COL16A1: variants seen among roughly 807,000 people sequenced by gnomAD.
The protein encoded by COL16A1 is collagen alpha-1(XVI) chain.
Under a neutral mutation model 266.3 loss-of-function variants are expected in COL16A1, and 189 were observed. That is an observed-to-expected ratio of 0.71 (90% CI 0.63 to 0.80). COL16A1 has a LOEUF of 0.80. Ranked by LOEUF, COL16A1 falls within the 30% of genes least tolerant of loss-of-function variation. The pLI is 0.00. For missense variants in COL16A1, 1,928 were observed against 2,122.4 expected (o/e 0.91, Z 1.80); for synonymous variants, 740 against 782.3 (o/e 0.95, Z 0.90).
At chr1:31,684,400 CG>C in intron 31 of COL16A1, 122 bp downstream of exon 31, 1 of 1,503,312 alleles carries the variant, frequency 6.7e-7, no homozygotes, top group Non-Finnish European at 8.9e-7. Flanking sequence ...GAGGAGCCTC[CG>C]CTCAGTGACT....
chr1:31,687,242 T>C (rs1644023735), intron 26 of COL16A1, among the ~76,000 whole-genome samples: 1 of 151,108 alleles, frequency 6.6e-6, no homozygotes, highest in Non-Finnish European at 1.5e-5. Context: ...ATTAGCTGAG[T>C]GTGGTGGTGC....
At position 31,656,857 on chromosome 1, in the gene COL16A1, C is replaced by T. The variant is rs1641208756; in HGVS notation, c.4056+176G>A. 8.8e-6 allele frequency: 6 copies of T among 678,646 alleles called. No homozygotes were observed. The highest frequency in any genetic ancestry group is 1.5e-5 in the Non-Finnish European group (6 of 411,358). The allele number at this position is 678,646 out of a possible 1,614,324, so 42.0% of individuals were successfully genotyped here. On this transcript the variant is annotated intron_variant, in intron 65 of 70. Transcript: ENST00000373672. The surrounding 1 kb of genome is among the most constrained non-coding windows in gnomAD (Gnocchi z 4.2). ...AAAAAAAAAGGTAAAACAAATCTCA[C>T]TCCCATCCTTGGCCTCAAGTCTCTA... is the stretch of plus-strand genomic sequence containing the variant.
In COL16A1 at chr1:31,688,442, C is replaced by G. The variant is rs1444220081; in HGVS notation, c.1803+25G>C. On this transcript the variant is annotated intron_variant, in intron 26 of 70. Coordinates refer to ENST00000373672, the MANE Select transcript of COL16A1 (RefSeq NM_001856.4). The surrounding 1 kb of genome is among the most constrained non-coding windows in gnomAD (Gnocchi z 4.9). ...CCTGCCTGCCAAGAAACTCCAGTGTCCCTGACATCTAACCCAGGTCTCACC... is the reference window on the plus strand; with the variant it reads ...CCTGCCTGCCAAGAAACTCCAGTGTGCCTGACATCTAACCCAGGTCTCACC... 1 of 1,614,114 alleles carries G rather than the reference C, an allele frequency of 6.2e-7. No individual in the cohort carries two copies. Among genetic ancestry groups the G allele is most frequent in the Admixed American group, 1.7e-5 (1 of 60,014 alleles).
intron 69 of COL16A1, 80 bp downstream of exon 69, chr1:31,653,787 T>G (rs1460159974): frequency 1.1e-5 from 18 of 1,572,278 alleles, no homozygotes; most frequent in Non-Finnish European, 1.5e-5. Flanking sequence ...ACATCCCATA[T>G]TCACAACAGA....
chr1:31,699,250 C>T (rs889999904), intron 4 of COL16A1, among the ~76,000 whole-genome samples: 4 of 152,148 alleles, frequency 2.6e-5, no homozygotes, highest in Admixed American at 6.5e-5. Flanking sequence ...ATGACTATTT[C>T]GCTATCGCAT....
At chr1:31,694,265 T>G in intron 11 of COL16A1, 95 bp from the exon 12 acceptor site, 1 of 1,027,034 alleles carries the variant, frequency 9.7e-7, no homozygotes, top group Non-Finnish European at 1.4e-6. Flanking sequence ...TCACACAGCA[T>G]GGTAGCAGGA....
At chr1:31,654,512 C>G (rs1442499460) in intron 68 of COL16A1, among the ~76,000 whole-genome samples, 1 of 152,222 alleles carries the variant, frequency 6.6e-6, no homozygotes, top group East Asian at 1.9e-4. Context: ...GAGCTCACTT[C>G]AGGCAGACTC....
At position 31,656,580 on chromosome 1, in the gene COL16A1, G is replaced by C. The variant is rs148255401; in HGVS notation, c.4057-136C>G. On this transcript the variant is annotated intron_variant, in intron 65 of 70. Transcript: ENST00000373672. This position sits in a 1 kb window ranked among gnomAD's most constrained non-coding sequence, Gnocchi z 4.2. Reference sequence around the variant, plus strand: ...TCCAGCCCAGCTCTGTGTGAGAAAGGAGCGCAGCCTCCCTGCCCAGCTGGA... The same window carrying C: ...TCCAGCCCAGCTCTGTGTGAGAAAGCAGCGCAGCCTCCCTGCCCAGCTGGA... The C allele has an allele frequency of 1.5e-6, 2 of 1,363,720 alleles. No homozygotes were observed. Among genetic ancestry groups the C allele is most frequent in the African/African-American group, 3.0e-5 (2 of 67,704 alleles). 84.5% of individuals were successfully genotyped at this position (1,363,720 alleles called of 1,614,324 possible).
At chr1:31,661,548 C>G (rs1386117910) in intron 59 of COL16A1, 90 bp from the exon 60 acceptor site, 2 of 1,612,544 alleles carry the variant, frequency 1.2e-6, no homozygotes, top group East Asian at 2.2e-5. Context: ...CAATTCAAAC[C>G]AATCCAAAGT....
In COL16A1 at chr1:31,700,056, G is replaced by C. The variant is rs753731713; in HGVS notation, c.133C>G (p.Pro45Ala). 6.2e-7 allele frequency: 1 copy of C among 1,614,132 alleles called. No individual in the cohort carries two copies. Reference protein sequence around the residue: ...GLKLEHSSSLPANVTGFNLIH... With the variant: ...GLKLEHSSSLAANVTGFNLIH... ...GGGTGCTCACCAGTCACGTTGGCTG[G>C]CAGGCTACTACTGTGTTCCAATTTG... The change falls in exon 3 of 71, where the codon CCA becomes GCA. Residue 45 changes from proline to alanine, a missense_variant. This residue lies in a region of COL16A1 where 1,552 missense variants were observed against 1,637.2 expected (regional missense o/e 0.95). Transcript: ENST00000373672.
Position 31,692,800 on chromosome 1 carries a change from G to A in COL16A1, c.1080C>T (p.Asp360=). 1 of 1,613,838 alleles carries A rather than the reference G, an allele frequency of 6.2e-7. No individual in the cohort carries two copies. Among genetic ancestry groups the A allele is most frequent in the Non-Finnish European group, 8.5e-7 (1 of 1,179,726 alleles). The change falls in exon 14 of 71, where the codon GAC becomes GAT. Residue 360 remains aspartate (D), a synonymous_variant. Coordinates refer to ENST00000373672, the MANE Select transcript of COL16A1 (RefSeq NM_001856.4). Reference sequence around the variant, plus strand: ...GGGCATCCGGGGAGATTCGAACACAGTCATTGCCCTGGGAGTAGGGAACAA... The same window carrying A: ...GGGCATCCGGGGAGATTCGAACACAATCATTGCCCTGGGAGTAGGGAACAA... The part of the protein sequence containing the change: ...SKGEKGARGN[D]CVRISPDAPL...
chr1:31,695,356 C>T (rs1178421413), intron 10 of COL16A1, 135 bp from the exon 11 acceptor site: 3 of 865,908 alleles, frequency 3.5e-6, no homozygotes, highest in Non-Finnish European at 5.6e-6. Flanking sequence ...AGATAGGAAT[C>T]CTATAAAACA....
intron 23 of COL16A1, 149 bp downstream of exon 23, chr1:31,689,592 C>T: frequency 4.4e-6 from 3 of 680,356 alleles, no homozygotes; most frequent in Non-Finnish European, 7.8e-6. Context: ...AGACCCCTTA[C>T]CACAGTAAGA....
rs1426769037 is a variant in COL16A1, at chr1:31,670,998, G to A, written c.3151-352C>T. Among the ~76,000 whole-genome samples, 3 of 152,174 alleles carry A rather than the reference G, an allele frequency of 2.0e-5. No homozygotes were observed. Among genetic ancestry groups the A allele is most frequent in the Non-Finnish European group, 4.4e-5 (3 of 68,020 alleles). The stretch of plus-strand genomic sequence containing the variant: ...CCTCCACCTGTCCCCCGAGTGGGGG[G>A]CTCCCTGGCTCTAAGACAGCTCCCA... On this transcript the variant is annotated intron_variant, in intron 48 of 70. Transcript: ENST00000373672. This position sits in a 1 kb window ranked among gnomAD's most constrained non-coding sequence, Gnocchi z 4.5.
rs969901488 is a variant in COL16A1, at chr1:31,685,795, G to A, written c.1885-25C>T. The A allele has an allele frequency of 6.2e-7, 1 of 1,612,300 alleles. No individual in the cohort carries two copies. The highest frequency in any genetic ancestry group is 1.3e-5 in the African/African-American group (1 of 74,904). On this transcript the variant is annotated intron_variant, in intron 28 of 70. Transcript: ENST00000373672. This position sits in a 1 kb window ranked among gnomAD's most constrained non-coding sequence, Gnocchi z 4.0. Reference sequence around the variant, plus strand: ...CCTGCCAAGCAAGGACATTGAGTTAGGGGGTCCCCCAGGCCCTAGTGCACT... The same window carrying A: ...CCTGCCAAGCAAGGACATTGAGTTAAGGGGTCCCCCAGGCCCTAGTGCACT...
Position 31,688,573 on chromosome 1 carries a change from T to C in COL16A1, c.1768-71A>G. 1 of 1,591,346 alleles carries C rather than the reference T, an allele frequency of 6.3e-7. No individual in the cohort carries two copies. Among genetic ancestry groups the C allele is most frequent in the Non-Finnish European group, 8.6e-7 (1 of 1,159,434 alleles). ...CTCTCCAAGGCTCCCCGGGTCCCAGTGTCCAACCAGAAACAGAACGGTAAG... is the reference window on the plus strand; with the variant it reads ...CTCTCCAAGGCTCCCCGGGTCCCAGCGTCCAACCAGAAACAGAACGGTAAG... On this transcript the variant is annotated intron_variant, in intron 25 of 70. Transcript: ENST00000373672. This position sits in a 1 kb window ranked among gnomAD's most constrained non-coding sequence, Gnocchi z 4.9.
intron 22 of COL16A1, 185 bp from the exon 23 acceptor site, chr1:31,690,036 T>C (rs1644186870): frequency 1.6e-6 from 1 of 625,924 alleles, no homozygotes; most frequent in Admixed American, 2.9e-5. Flanking sequence ...CACCACAAGA[T>C]TCCAGGGTGG....
rs565286059 is a variant in COL16A1, at chr1:31,670,198, C to T, written c.3195+404G>A. ...CTACTTTCAGCAAATCTTCAGGCAA[C>T]GCCGAAGGTGGTGAGAAGCAGGAGG... On this transcript the variant is annotated intron_variant, in intron 49 of 70. Transcript: ENST00000373672. The surrounding 1 kb of genome is among the most constrained non-coding windows in gnomAD (Gnocchi z 4.5). 5.2e-5 allele frequency: 10 copies of T among 192,946 alleles called. No homozygotes were observed. Among genetic ancestry groups the T allele is most frequent in the South Asian group, 3.8e-4 (2 of 5,278 alleles). 12.0% of individuals were successfully genotyped at this position (192,946 alleles called of 1,614,324 possible). A position where few individuals can be genotyped will look rare whatever the true frequency, so the allele number is the denominator to read the frequency against.
chr1:31,687,998 A>G (rs1644076095), intron 26 of COL16A1, among the ~76,000 whole-genome samples: 1 of 152,190 alleles, frequency 6.6e-6, no homozygotes, highest in Non-Finnish European at 1.5e-5. Flanking sequence ...CTCTGGAGCC[A>G]GGCTTCCTGG....
Sources: gnomAD v4.1 joint callset for allele counts (sites outside exome capture counted in the v4.1 genomes callset) on GRCh38, gnomAD v4.1.1 for gene constraint, gnomAD v4.1.1 regional missense constraint, Gnocchi (gnomAD v3.1) non-coding constraint, MANE v1.5 for transcripts, NCBI Gene and HGNC (gene_info 2026-07-23, HGNC 2026-07-21) for gene names.